The following PPP1R14C variants were observed in gnomAD, a reference collection of about 807,000 sequenced individuals.
PPP1R14C encodes the protein protein phosphatase 1 regulatory inhibitor subunit 14C.
In PPP1R14C, 16 loss-of-function variants were observed where a neutral mutation model predicts 20.4. The ratio of observed to expected loss-of-function variants is 0.78; its 90% CI spans 0.53 to 1.19. PPP1R14C has a LOEUF of 1.19. Among genes scored for constraint, PPP1R14C ranks in the 50% most tolerant of loss-of-function variants. The pLI is 0.00. For synonymous variants in PPP1R14C, 91 were observed against 91.0 expected (o/e 1.00, Z 0.00); for missense variants, 211 against 220.1 (o/e 0.96, Z 0.26).
chr6:150,202,428 C>T (rs934530710), intron 1 of PPP1R14C, among the ~76,000 whole-genome samples: 8 of 152,198 alleles, frequency 5.3e-5, no homozygotes, highest in Non-Finnish European at 1.0e-4. Flanking sequence ...GGCACCCTTG[C>T]TGTTCTTAGG....
chr6:150,156,557 C>T (rs1273128435), intron 1 of PPP1R14C, among the ~76,000 whole-genome samples: 1 of 152,150 alleles, frequency 6.6e-6, no homozygotes, highest in Non-Finnish European at 1.5e-5. Context: ...GTTGAGTTTT[C>T]AGATTGGCAG....
At chr6:150,187,460 T>G (rs1301912828) in intron 1 of PPP1R14C, among the ~76,000 whole-genome samples, 1 of 152,120 alleles carries the variant, frequency 6.6e-6, no homozygotes, top group African/African-American at 2.4e-5. Context: ...TCCCACCCTC[T>G]ACCCTTAAGG....
chr6:150,162,180 G>A (rs750720014), intron 1 of PPP1R14C, among the ~76,000 whole-genome samples: 15 of 151,740 alleles, frequency 9.9e-5, no homozygotes, highest in African/African-American at 1.2e-4. Context: ...TCAGCCTCCC[G>A]AGCAGCTGGG....
chr6:150,242,572 A>C (rs1778445577), intron 3 of PPP1R14C, among the ~76,000 whole-genome samples: 1 of 152,206 alleles, frequency 6.6e-6, no homozygotes, highest in Admixed American at 6.5e-5. Flanking sequence ...TAAGTTGATA[A>C]AAAATATCTG....
chr6:150,156,305 T>A (rs1777305610), intron 1 of PPP1R14C, among the ~76,000 whole-genome samples: 1 of 152,190 alleles, frequency 6.6e-6, no homozygotes, highest in African/African-American at 2.4e-5. Context: ...AAGCAGCAGA[T>A]ATTATCATTG....
At chr6:150,156,443 C>G (rs1016831889) in intron 1 of PPP1R14C, among the ~76,000 whole-genome samples, 1 of 152,156 alleles carries the variant, frequency 6.6e-6, no homozygotes, top group Non-Finnish European at 1.5e-5. Context: ...TAATATTTTT[C>G]TCTTATATTT....
chr6:150,150,228 A>G (rs781081473), intron 1 of PPP1R14C, among the ~76,000 whole-genome samples: 3 of 151,766 alleles, frequency 2.0e-5, no homozygotes, highest in Non-Finnish European at 2.9e-5. Context: ...TTACAGCTTT[A>G]TGTCAGTGCT....
intron 1 of PPP1R14C, among the ~76,000 whole-genome samples, chr6:150,183,924 A>G (rs1777649296): frequency 6.6e-6 from 1 of 152,252 alleles, no homozygotes; most frequent in South Asian, 2.1e-4. Context: ...GAGAAACAGC[A>G]GAGACTTGCT....
At chr6:150,203,194 T>G (rs1311112228) in intron 1 of PPP1R14C, among the ~76,000 whole-genome samples, 1 of 152,228 alleles carries the variant, frequency 6.6e-6, no homozygotes, top group Non-Finnish European at 1.5e-5. Context: ...GCCTGAAAAT[T>G]GCCCTGTGCT....
intron 3 of PPP1R14C, among the ~76,000 whole-genome samples, chr6:150,221,212 C>A (rs1438936373): frequency 1.3e-5 from 2 of 152,212 alleles, no homozygotes; most frequent in African/African-American, 4.8e-5. Context: ...TCACATTGCA[C>A]TAACATACAT....
chr6:150,187,245 C>CTGTG (rs1196704443), intron 1 of PPP1R14C, among the ~76,000 whole-genome samples: 118 of 110,958 alleles, frequency 1.1e-3, no homozygotes, highest in African/African-American at 3.3e-3. Flanking sequence ...CTTTCTCTTT[C>CTGTG]TCTGTGTGTG....
At chr6:150,188,441 C>T (rs981598101) in intron 1 of PPP1R14C, among the ~76,000 whole-genome samples, 4 of 148,246 alleles carry the variant, frequency 2.7e-5, no homozygotes, top group Admixed American at 2.0e-4. Flanking sequence ...GCGGGTCCTG[C>T]GGAAGATTGA....
At chr6:150,187,411 G>C (rs761648127) in intron 1 of PPP1R14C, among the ~76,000 whole-genome samples, 1 of 151,972 alleles carries the variant, frequency 6.6e-6, no homozygotes, top group Non-Finnish European at 1.5e-5. Flanking sequence ...GTATTAAGAT[G>C]AGCACCCATT....
intron 3 of PPP1R14C, among the ~76,000 whole-genome samples, chr6:150,222,601 C>G (rs1466969806): frequency 6.6e-6 from 1 of 152,090 alleles, no homozygotes; most frequent in Non-Finnish European, 1.5e-5. Flanking sequence ...CGTGCTCTGC[C>G]TGTTCATCTC....
At chr6:150,152,992 G>A (rs1224883319) in intron 1 of PPP1R14C, among the ~76,000 whole-genome samples, 1 of 152,204 alleles carries the variant, frequency 6.6e-6, no homozygotes, top group African/African-American at 2.4e-5. Context: ...GGAGGAAGGG[G>A]CCAGAGCTCG....
chr6:150,181,686 T>G (rs1777623590), intron 1 of PPP1R14C, among the ~76,000 whole-genome samples: 1 of 152,230 alleles, frequency 6.6e-6, no homozygotes, highest in African/African-American at 2.4e-5. Context: ...TAAGATGCCT[T>G]TGTCCTTCCC....
chr6:150,233,822 T>G (rs940517258), intron 3 of PPP1R14C, among the ~76,000 whole-genome samples: 2 of 152,202 alleles, frequency 1.3e-5, no homozygotes, highest in Non-Finnish European at 2.9e-5. Context: ...GGCTAGTGGC[T>G]GGAGCTCATC....
At chr6:150,193,477 G>A (rs180998180) in intron 1 of PPP1R14C, among the ~76,000 whole-genome samples, 7 of 152,234 alleles carry the variant, frequency 4.6e-5, no homozygotes, top group Admixed American at 2.0e-4. Flanking sequence ...ATTTCCAGGA[G>A]TGAGTAAGAG....
intron 1 of PPP1R14C, among the ~76,000 whole-genome samples, chr6:150,159,893 G>A (rs988873445): frequency 6.6e-5 from 10 of 152,038 alleles, no homozygotes; most frequent in African/African-American, 2.2e-4. Context: ...CATTTACCTG[G>A]TATGTCTCCT....
Sources: allele counts gnomAD v4.1 joint callset (sites outside exome capture counted in the v4.1 genomes callset), GRCh38; gene constraint gnomAD v4.1.1; transcripts MANE v1.5; gene names NCBI Gene and HGNC (gene_info 2026-07-23, HGNC 2026-07-21).